The following STXBP4 variants were observed in gnomAD, a reference collection of about 807,000 sequenced individuals.
STXBP4 encodes syntaxin-binding protein 4.
In STXBP4, 55 loss-of-function variants were observed where a neutral mutation model predicts 76.1. The observed-to-expected ratio is 0.72, with a 90% CI of 0.58 to 0.91. STXBP4 has a LOEUF of 0.91. Among genes scored for constraint, STXBP4 ranks in the 40% least tolerant of loss-of-function variants. The pLI is 0.00. For synonymous variants in STXBP4, 201 were observed against 220.2 expected, an observed-to-expected ratio of 0.91 and a Z score of 0.77; for missense variants, 618 against 636.9, an observed-to-expected ratio of 0.97 and a Z score of 0.32.
intron 10 of STXBP4, 116 bp downstream of exon 10, chr17:55,034,375 A>G (rs905205603): frequency 2.8e-5 from 16 of 568,710 alleles, no homozygotes; most frequent in Non-Finnish European, 4.6e-5. Flanking sequence ...TGTTTCTTGG[A>G]TAAATATATA....
chr17:55,174,692 G>T (rs1415209116), downstream of STXBP4, among the ~76,000 whole-genome samples: 1 of 152,204 alleles, frequency 6.6e-6, no homozygotes, highest in East Asian at 1.9e-4. Flanking sequence ...TGCACCTCAG[G>T]TTCTGTTTAG....
At chr17:55,174,401 T>C (rs1317957752), downstream of STXBP4, among the ~76,000 whole-genome samples, 1 of 152,220 alleles carries the variant, frequency 6.6e-6, no homozygotes, top group African/African-American at 2.4e-5. Flanking sequence ...TATGTAGTGG[T>C]ATTTCATCAT....
At chr17:55,035,658 A>G (rs2078588205) in intron 10 of STXBP4, among the ~76,000 whole-genome samples, 2 of 151,946 alleles carry the variant, frequency 1.3e-5, no homozygotes, top group Admixed American at 1.3e-4. Context: ...AAAATTAGAA[A>G]TCTGACATAA....
At chr17:55,118,257 CAAGAA>C (rs1260936479) in intron 16 of STXBP4, among the ~76,000 whole-genome samples, 5 of 151,808 alleles carry the variant, frequency 3.3e-5, no homozygotes, top group Non-Finnish European at 7.4e-5. Context: ...GGAGGAAGGA[CAAGAA>C]AAGTCTGTCT....
intron 3 of STXBP4, among the ~76,000 whole-genome samples, chr17:54,986,663 C>A (rs936053794): frequency 2.6e-5 from 4 of 152,096 alleles, no homozygotes; most frequent in Non-Finnish European, 5.9e-5. Flanking sequence ...TTGTCAAATA[C>A]ATTTTTAAAA....
At chr17:55,006,643 A>AGATGT (rs2078012511) in intron 7 of STXBP4, among the ~76,000 whole-genome samples, 1 of 152,222 alleles carries the variant, frequency 6.6e-6, no homozygotes. Context: ...AAGATGTAGA[A>AGATGT]AAATGGGTAA....
intron 12 of STXBP4, among the ~76,000 whole-genome samples, chr17:55,058,260 A>G (rs544152999): frequency 6.6e-6 from 1 of 152,182 alleles, no homozygotes; most frequent in Non-Finnish European, 1.5e-5. Context: ...CTGGCATGAG[A>G]TGGTATCTCA....
intron 10 of STXBP4, among the ~76,000 whole-genome samples, chr17:55,039,932 G>A (rs2078669704): frequency 6.6e-6 from 1 of 152,106 alleles, no homozygotes; most frequent in African/African-American, 2.4e-5. Context: ...ACTAGACACT[G>A]GGAAGGAATT....
chr17:55,092,987 G>A (rs79611866), intron 16 of STXBP4, among the ~76,000 whole-genome samples: 1 of 102,842 alleles, frequency 9.7e-6, no homozygotes, highest in Non-Finnish European at 2.1e-5. Flanking sequence ...TTTGTTTTTT[G>A]TTTGTTTTTT....
downstream of STXBP4, among the ~76,000 whole-genome samples, chr17:55,176,049 A>G (rs995273499): frequency 1.9e-4 from 29 of 152,206 alleles, no homozygotes; most frequent in African/African-American, 6.5e-4. Flanking sequence ...GAGGTCTGCT[A>G]TCTGAGAAAG....
Position 54,999,536 on chromosome 17 carries a change from A to G in STXBP4, c.287+85A>G, listed in dbSNP as rs979450218. 6.2e-6 allele frequency: 9 copies of G among 1,445,886 alleles called. No homozygotes were observed. In the African/African-American group the frequency reaches 1.0e-4, roughly 16 times the overall value. 89.6% of individuals were successfully genotyped at this position (1,445,886 alleles called of 1,614,324 possible). A position where few individuals can be genotyped will look rare whatever the true frequency, so the allele number is the denominator to read the frequency against. On this transcript the variant is annotated intron_variant, in intron 5 of 17. Transcript: ENST00000376352. ...ATTTAAGATGTATTAAGTACTTTAT[A>G]ATAAGTATTTTTTAATAACATCTGA... is the stretch of plus-strand genomic sequence containing the variant.
intron 16 of STXBP4, among the ~76,000 whole-genome samples, chr17:55,118,504 T>C (rs1443200555): frequency 6.6e-6 from 1 of 152,020 alleles, no homozygotes; most frequent in Non-Finnish European, 1.5e-5. Context: ...CTGTGAAACA[T>C]TTAAGTCAAG....
At chr17:54,992,705 CT>C (rs760386476) in intron 4 of STXBP4, among the ~76,000 whole-genome samples, 2,161 of 96,836 alleles carry the variant, frequency 0.022, 31 homozygotes, top group African/African-American at 0.074. Flanking sequence ...AATTTGCTTC[CT>C]TTTTTTTTTT....
chr17:55,063,634 A>G (rs1021511717), intron 12 of STXBP4, among the ~76,000 whole-genome samples: 2 of 152,226 alleles, frequency 1.3e-5, no homozygotes, highest in African/African-American at 4.8e-5. Context: ...TGCTAAACAT[A>G]CAGTTCTACA....
the STXBP4 span, among the ~76,000 whole-genome samples, chr17:55,196,442 T>G: frequency 6.6e-6 from 1 of 152,222 alleles, no homozygotes; most frequent in Non-Finnish European, 1.5e-5. Context: ...GTGTAAAATT[T>G]TCTATTCAAC....
At chr17:55,078,336 C>A in intron 14 of STXBP4, 142 bp downstream of exon 14, 1 of 607,974 alleles carries the variant, frequency 1.6e-6, no homozygotes. Flanking sequence ...AGATTTAGAA[C>A]TGCATACATG....
In STXBP4 at chr17:55,172,372, A is replaced by C. The variant is rs1315121970; in HGVS notation, c.*12461A>C. ...TTCTAGGTGATTTCAATGTGTAGCC[A>C]AGGTTCACTGCCATAGCCTGTCCTG... On this transcript the variant is annotated 3_prime_UTR_variant, in exon 18 of 18. Coordinates refer to ENST00000376352, the MANE Select transcript of STXBP4 (RefSeq NM_178509.6). The C allele has an allele frequency of 3.3e-5, 5 of 152,236 alleles. No individual in the cohort carries two copies. Among genetic ancestry groups the C allele is most frequent in the African/African-American group, 1.2e-4 (5 of 41,458 alleles). 9.4% of individuals were successfully genotyped at this position (152,236 alleles called of 1,614,324 possible).
intron 16 of STXBP4, among the ~76,000 whole-genome samples, chr17:55,139,226 TGTG>T (rs2080068390): frequency 6.6e-6 from 1 of 152,136 alleles, no homozygotes; most frequent in Admixed American, 6.6e-5. Flanking sequence ...GCACAGGGGA[TGTG>T]GTAATCCAAT....
chr17:55,206,124 A>C, the STXBP4 span, among the ~76,000 whole-genome samples: 1 of 151,338 alleles, frequency 6.6e-6, no homozygotes, highest in African/African-American at 2.4e-5. Flanking sequence ...TCTTTGAAAA[A>C]CCTCTGTGAA....
Sources: gnomAD v4.1 joint callset for allele counts (sites outside exome capture counted in the v4.1 genomes callset) on GRCh38, gnomAD v4.1.1 for gene constraint, MANE v1.5 for transcripts, NCBI Gene and HGNC (gene_info 2026-07-23, HGNC 2026-07-21) for gene names.